Variants in GKAP1 observed in about 807,000 individuals in gnomAD.
GKAP1 encodes G kinase anchoring protein 1.
GKAP1 carries 31 observed loss-of-function variants against 56.7 expected under a neutral mutation model. The ratio of observed to expected loss-of-function variants is 0.55; its 90% CI spans 0.41 to 0.74. The LOEUF is 0.74. Among genes scored for constraint, GKAP1 ranks in the 30% least tolerant of loss-of-function variants. The pLI is 0.00. For synonymous variants in GKAP1, 151 were observed against 138.6 expected, an observed-to-expected ratio of 1.09 and a Z score of -0.63; for missense variants, 364 against 402.3, an observed-to-expected ratio of 0.90 and a Z score of 0.82.
intron 3 of GKAP1, among the ~76,000 whole-genome samples, chr9:83,804,496 G>A (rs1405375364): frequency 4.0e-5 from 5 of 126,272 alleles, no homozygotes; most frequent in South Asian, 2.7e-4. Context: ...CCCTCTGCTC[G>A]GCCAGCCGCC....
intron 6 of GKAP1, 76 bp downstream of exon 6, chr9:83,784,639 G>C (rs1944033426): frequency 9.7e-7 from 1 of 1,032,270 alleles, no homozygotes; most frequent in East Asian, 2.7e-5. Flanking sequence ...TTAAAAATTA[G>C]AAAGACATTT....
intron 7 of GKAP1, among the ~76,000 whole-genome samples, chr9:83,779,880 C>T (rs1943941985): frequency 1.3e-5 from 2 of 151,646 alleles, no homozygotes; most frequent in South Asian, 4.2e-4. Flanking sequence ...CAAAAAACCC[C>T]AAATCCCCAA....
At chr9:83,785,886 T>C (rs1329654342) in intron 5 of GKAP1, among the ~76,000 whole-genome samples, 1 of 152,258 alleles carries the variant, frequency 6.6e-6, no homozygotes, top group East Asian at 1.9e-4. Context: ...AAGAAATTTA[T>C]GTCCTATCCT....
At chr9:83,782,020 T>C (rs1400393571) in intron 6 of GKAP1, among the ~76,000 whole-genome samples, 2 of 152,012 alleles carry the variant, frequency 1.3e-5, no homozygotes, top group Non-Finnish European at 2.9e-5. Flanking sequence ...ATTTTTTGTA[T>C]TTTTAGTAAA....
intron 3 of GKAP1, among the ~76,000 whole-genome samples, chr9:83,799,842 G>A (rs969881191): frequency 1.7e-4 from 26 of 152,110 alleles, no homozygotes; most frequent in Non-Finnish European, 3.5e-4. Flanking sequence ...ACACACACCT[G>A]TGGTCCCAGC....
At chr9:83,742,475 T>C in intron 11 of GKAP1, 55 bp downstream of exon 11, 1 of 1,149,952 alleles carries the variant, frequency 8.7e-7, no homozygotes, top group Non-Finnish European at 1.3e-6. Context: ...GTTTAATAAT[T>C]CAAGACTAAA....
intron 7 of GKAP1, among the ~76,000 whole-genome samples, chr9:83,770,907 A>G (rs746893216): frequency 1.2e-4 from 18 of 152,198 alleles, no homozygotes; most frequent in Non-Finnish European, 2.4e-4. Flanking sequence ...ACATGCCAAT[A>G]GAAGATTTTT....
chr9:83,799,854 A>G (rs979931753), intron 3 of GKAP1, among the ~76,000 whole-genome samples: 4 of 152,118 alleles, frequency 2.6e-5, no homozygotes, highest in African/African-American at 9.7e-5. Flanking sequence ...GGTCCCAGCT[A>G]CCCAGGAGGC....
At chr9:83,750,439 C>T (rs957095615) in intron 9 of GKAP1, among the ~76,000 whole-genome samples, 2 of 152,164 alleles carry the variant, frequency 1.3e-5, no homozygotes, top group African/African-American at 2.4e-5. Context: ...CAGTCAAAGA[C>T]GTGCTCTTCC....
chr9:83,742,409 T>C (rs1344579587), intron 11 of GKAP1, 121 bp downstream of exon 11: 4 of 662,466 alleles, frequency 6.0e-6, no homozygotes, highest in Admixed American at 5.1e-5. Context: ...TATTACATAA[T>C]AATAAAGTAT....
Position 83,795,588 on chromosome 9 carries a change from CTTTTTTTT to C in GKAP1, c.360+3589_360+3596del, listed in dbSNP as rs58291258. On this transcript the variant is annotated intron_variant, in intron 4 of 12. Transcript: ENST00000376371. ...CAGTTATGGTTATGTCTGAGAGTGT[CTTTTTTTT>C]TTTTTTTTTTTTTGAGATAGGGTCT... 4.6e-5 allele frequency among the ~76,000 whole-genome samples: 5 copies of C among 109,052 alleles called. No homozygotes were observed. The South Asian group carries it at 1.3e-3, about 28-fold the overall frequency. 71.5% of individuals were successfully genotyped at this position (109,052 alleles called of 152,430 possible).
chr9:83,763,876 G>C (rs575209841), intron 8 of GKAP1, among the ~76,000 whole-genome samples: 110 of 152,248 alleles, frequency 7.2e-4, no homozygotes, highest in African/African-American at 2.5e-3. Context: ...TTCAAAGTCT[G>C]TTCTCTTTCC....
intron 7 of GKAP1, among the ~76,000 whole-genome samples, chr9:83,770,275 T>A (rs1282648505): frequency 6.6e-6 from 1 of 152,240 alleles, no homozygotes; most frequent in Admixed American, 6.5e-5. Flanking sequence ...TCTAAAAGTT[T>A]TACAGATTTA....
chr9:83,803,872 C>A (rs1179522277), intron 3 of GKAP1, among the ~76,000 whole-genome samples: 6 of 150,954 alleles, frequency 4.0e-5, no homozygotes, highest in African/African-American at 1.2e-4. Context: ...GGCCGCCCAT[C>A]GTCTGAGATG....
chr9:83,813,795 A>G lies in GKAP1; in HGVS notation c.-44+3201T>C, dbSNP rs1395109493. Among the ~76,000 whole-genome samples, 3 of 152,178 alleles carry G rather than the reference A, an allele frequency of 2.0e-5. No individual in the cohort carries two copies. The East Asian group carries it at 5.8e-4, about 29-fold the overall frequency. On this transcript the variant is annotated intron_variant, in intron 2 of 12. Transcript: ENST00000376371. ...ATGACTACCACTAGTACAAACTATTAATTTATACTTAAGATGGCAGCAGGC... is the reference window on the plus strand; with the variant it reads ...ATGACTACCACTAGTACAAACTATTGATTTATACTTAAGATGGCAGCAGGC...
At chr9:83,789,780 T>C (rs990748488) in intron 4 of GKAP1, among the ~76,000 whole-genome samples, 1 of 152,178 alleles carries the variant, frequency 6.6e-6, no homozygotes, top group Non-Finnish European at 1.5e-5. Flanking sequence ...CAGGTGGGTT[T>C]AATTATCTGA....
At chr9:83,801,948 T>C (rs1021025207) in intron 3 of GKAP1, among the ~76,000 whole-genome samples, 1 of 152,200 alleles carries the variant, frequency 6.6e-6, no homozygotes, top group African/African-American at 2.4e-5. Flanking sequence ...AAAAATAAAC[T>C]GAAAAGGCTT....
At position 83,806,577 on chromosome 9, in the gene GKAP1, G is replaced by T; in HGVS notation, c.-43-17C>A. The T allele has an allele frequency of 1.4e-6, 2 of 1,400,154 alleles. No individual in the cohort carries two copies. Among genetic ancestry groups the T allele is most frequent in the East Asian group, 2.4e-5 (1 of 42,232 alleles). 86.7% of individuals were successfully genotyped at this position (1,400,154 alleles called of 1,614,324 possible). On this transcript the variant is annotated splice_polypyrimidine_tract_variant and intron_variant, in intron 2 of 12. Transcript: ENST00000376371. Reference sequence around the variant, plus strand: ...GAATAATTTCTGTGGGGAGGCAGAAGAGTAGGCAGATGGGTAAACAAACAG... The same window carrying T: ...GAATAATTTCTGTGGGGAGGCAGAATAGTAGGCAGATGGGTAAACAAACAG...
chr9:83,773,625 C>T (rs529719583), intron 7 of GKAP1, among the ~76,000 whole-genome samples: 2 of 152,282 alleles, frequency 1.3e-5, no homozygotes, highest in South Asian at 2.1e-4. Context: ...CCCTTAGTCT[C>T]ATCTTCGTGC....
Sources: gnomAD v4.1 joint callset for allele counts (sites outside exome capture counted in the v4.1 genomes callset) on GRCh38, gnomAD v4.1.1 for gene constraint, MANE v1.5 for transcripts, NCBI Gene and HGNC (gene_info 2026-07-23, HGNC 2026-07-21) for gene names.